TTLL5: variants seen among roughly 807,000 people sequenced by gnomAD.
TTLL5 encodes tubulin polyglutamylase TTLL5.
Under a neutral mutation model 168.4 loss-of-function variants are expected in TTLL5, and 132 were observed. The observed-to-expected ratio is 0.78, with a 90% CI of 0.68 to 0.91. The LOEUF (loss-of-function observed/expected upper bound fraction) is 0.91. TTLL5 is among the 40% of genes least tolerant of loss of function. TTLL5 has a pLI of 0.00. For synonymous variants in TTLL5, 546 were observed against 558.6 expected, an observed-to-expected ratio of 0.98 and a Z score of 0.32; for missense variants, 1,545 against 1,581.5, an observed-to-expected ratio of 0.98 and a Z score of 0.39.
chr14:75,768,525 GGTT>G (rs1891095461), intron 20 of TTLL5, among the ~76,000 whole-genome samples: 3 of 151,980 alleles, frequency 2.0e-5, no homozygotes, highest in Non-Finnish European at 2.9e-5. Context: ...AGGTTCTGGA[GGTT>G]GTTTATAGAC....
intron 18 of TTLL5, among the ~76,000 whole-genome samples, chr14:75,760,846 A>G (rs778678225): frequency 6.6e-6 from 1 of 152,118 alleles, no homozygotes; most frequent in African/African-American, 2.4e-5. Flanking sequence ...TGGGCTTGGC[A>G]GTGTTTTTAG....
chr14:75,764,519 C>A, intron 18 of TTLL5, 96 bp from the exon 19 acceptor site: 1 of 1,421,132 alleles, frequency 7.0e-7, no homozygotes, highest in Non-Finnish European at 9.7e-7. Flanking sequence ...TTACCATGTC[C>A]AGTATGTCAG....
At chr14:75,791,588 T>G (rs755908109) in intron 26 of TTLL5, among the ~76,000 whole-genome samples, 5 of 152,042 alleles carry the variant, frequency 3.3e-5, no homozygotes, top group Non-Finnish European at 5.9e-5. Context: ...AGATTAGGAA[T>G]GGGGAGGAAC....
intron 12 of TTLL5, among the ~76,000 whole-genome samples, chr14:75,721,190 C>T (rs1317313543): frequency 2.6e-5 from 4 of 152,000 alleles, no homozygotes; most frequent in Non-Finnish European, 1.5e-5. Flanking sequence ...TTTTCTCTTT[C>T]TCTTTCTCTT....
At chr14:75,676,740 T>A (rs1399466628) in intron 3 of TTLL5, among the ~76,000 whole-genome samples, 1 of 151,650 alleles carries the variant, frequency 6.6e-6, no homozygotes, top group Non-Finnish European at 1.5e-5. Context: ...TTAGGAGGAG[T>A]AGGAGAAATA....
At chr14:75,842,647 T>A (rs1169232961) in intron 28 of TTLL5, among the ~76,000 whole-genome samples, 2 of 152,038 alleles carry the variant, frequency 1.3e-5, no homozygotes, top group African/African-American at 4.8e-5. Context: ...AGGAAAATAT[T>A]AAAAAGGAAG....
chr14:75,950,949 C>T (rs1038255423), intron 31 of TTLL5, among the ~76,000 whole-genome samples: 4 of 151,652 alleles, frequency 2.6e-5, no homozygotes, highest in Non-Finnish European at 4.4e-5. Flanking sequence ...GCCTGGGCAA[C>T]AGAGTTAAGA....
At chr14:75,801,506 G>A (rs1273575866) in intron 27 of TTLL5, among the ~76,000 whole-genome samples, 1 of 151,992 alleles carries the variant, frequency 6.6e-6, no homozygotes, top group East Asian at 1.9e-4. Context: ...TAAAATGTAC[G>A]ATAAATTATT....
At chr14:75,763,304 T>A (rs372342854) in intron 18 of TTLL5, among the ~76,000 whole-genome samples, 3 of 148,660 alleles carry the variant, frequency 2.0e-5, no homozygotes, top group African/African-American at 7.5e-5. Flanking sequence ...GGGACTCTGA[T>A]AAAATACATT....
intron 21 of TTLL5, among the ~76,000 whole-genome samples, chr14:75,773,723 T>C (rs1033186976): frequency 2.6e-5 from 4 of 151,208 alleles, no homozygotes; most frequent in African/African-American, 9.7e-5. Context: ...ACCCCGTCTC[T>C]ACTAAAATAC....
At chr14:75,807,912 A>G (rs1338479505) in intron 27 of TTLL5, among the ~76,000 whole-genome samples, 5 of 152,250 alleles carry the variant, frequency 3.3e-5, no homozygotes, top group African/African-American at 1.2e-4. Context: ...TTCTTGAAGC[A>G]GCTTGCAAAA....
Position 75,861,442 on chromosome 14 carries a change from T to G in TTLL5, c.3327-2225T>G, listed in dbSNP as rs926496854. 7.2e-5 allele frequency among the ~76,000 whole-genome samples: 11 copies of G among 152,336 alleles called. No homozygotes were observed. In the South Asian group the frequency reaches 2.1e-3, roughly 29 times the overall value. ...TTTGCTCCCTCCTTCAGTGCTCTGT[T>G]GAGTCATCAGGACCCAGGCTATAAA... On this transcript the variant is annotated intron_variant, in intron 28 of 31. Transcript: ENST00000298832.
chr14:75,908,778 G>GTA (rs201216638), intron 31 of TTLL5, among the ~76,000 whole-genome samples: 157 of 152,020 alleles, frequency 1.0e-3, no homozygotes, highest in African/African-American at 3.5e-3. Flanking sequence ...TTTTCTGTAT[G>GTA]TATATATATA....
At chr14:75,896,404 T>G (rs2032664681) in intron 30 of TTLL5, among the ~76,000 whole-genome samples, 1 of 152,184 alleles carries the variant, frequency 6.6e-6, no homozygotes. Context: ...GTGTTTGTTT[T>G]CAGCACCTTC....
At chr14:75,760,209 T>G (rs28876772) in intron 18 of TTLL5, among the ~76,000 whole-genome samples, 1,633 of 152,128 alleles carry the variant, frequency 0.011, 16 homozygotes, top group African/African-American at 0.025. Flanking sequence ...AGTAAATAAT[T>G]GGAAAATGAA....
At position 75,783,405 on chromosome 14, in the gene TTLL5, T is replaced by C. The variant is rs774244951; in HGVS notation, c.2861T>C (p.Ile954Thr). Reference sequence around the variant, plus strand: ...TGCCTACATCCCGGGGCACAGAACATCCCAAGCCCTACTGGCCTGCCACGC... The same window carrying C: ...TGCCTACATCCCGGGGCACAGAACACCCCAAGCCCTACTGGCCTGCCACGC... ...SPCLHPGAQN[I>T]PSPTGLPRCR... Residue 954 changes from isoleucine (I) to threonine (T), a missense_variant, in exon 26 of 32, where the codon ATC (isoleucine) becomes ACC (threonine). Physicochemically the swap from Ile to Thr is moderately conservative, Grantham distance 89. Transcript: ENST00000298832. 5.6e-6 allele frequency: 9 copies of C among 1,614,150 alleles called. No individual in the cohort carries two copies. In the South Asian group the frequency reaches 8.8e-5, roughly 16 times the overall value.
chr14:75,696,825 A>G (rs1885909794), intron 6 of TTLL5, among the ~76,000 whole-genome samples: 1 of 152,218 alleles, frequency 6.6e-6, no homozygotes, highest in Non-Finnish European at 1.5e-5. Flanking sequence ...GGGCGTATAT[A>G]ACATACATTG....
chr14:75,668,953 C>G (rs989542945), intron 2 of TTLL5, among the ~76,000 whole-genome samples: 3 of 152,220 alleles, frequency 2.0e-5, no homozygotes, highest in African/African-American at 7.2e-5. Flanking sequence ...TGCTGACTTT[C>G]TCCTTCACCA....
At chr14:75,818,753 C>T (rs930021291) in intron 27 of TTLL5, among the ~76,000 whole-genome samples, 1 of 151,910 alleles carries the variant, frequency 6.6e-6, no homozygotes, top group Admixed American at 6.6e-5. Context: ...CCCGCCTCAG[C>T]CTCCCAAAGT....
Sources: allele counts gnomAD v4.1 joint callset (sites outside exome capture counted in the v4.1 genomes callset), GRCh38; gene constraint gnomAD v4.1.1; transcripts MANE v1.5; gene names NCBI Gene and HGNC (gene_info 2026-07-23, HGNC 2026-07-21).